GPHN: variants seen among roughly 807,000 people sequenced by gnomAD.
GPHN encodes gephyrin.
GPHN carries 17 observed loss-of-function variants against 95.5 expected under a neutral mutation model. That is an observed-to-expected ratio of 0.18 (90% CI 0.12 to 0.27). GPHN has a LOEUF of 0.27. Among genes scored for constraint, GPHN ranks in the 10% least tolerant of loss-of-function variants. GPHN has a pLI of 1.00. For synonymous variants in GPHN, 320 were observed against 322.5 expected (o/e 0.99, Z 0.08); for missense variants, 660 against 978.1 (o/e 0.67, Z 4.34).
chr14:67,003,360 C>T (rs1180479636), intron 9 of GPHN, among the ~76,000 whole-genome samples: 1 of 151,620 alleles, frequency 6.6e-6, no homozygotes, highest in Non-Finnish European at 1.5e-5. Context: ...CTATTAGTAA[C>T]TGAATTGAGA....
intron 2 of GPHN, among the ~76,000 whole-genome samples, chr14:66,765,595 C>T (rs1414595771): frequency 1.3e-5 from 2 of 152,064 alleles, no homozygotes; most frequent in African/African-American, 2.4e-5. Context: ...GAGCAACAGA[C>T]AGTGGGGCCT....
the GPHN span, among the ~76,000 whole-genome samples, chr14:67,367,456 C>T: frequency 6.9e-6 from 1 of 144,006 alleles, no homozygotes; most frequent in Admixed American, 6.9e-5. Flanking sequence ...GTCTTGATCT[C>T]CTGACCTTGT....
the GPHN span, chr14:67,589,725 G>A: frequency 5.5e-5 from 55 of 1,008,978 alleles, no homozygotes; most frequent in East Asian, 2.9e-3. Context: ...CAAGACATCT[G>A]ATGTCAGTTT....
At chr14:66,999,435 ATAATTTATTGTCATG>A (rs1317501153) in intron 9 of GPHN, among the ~76,000 whole-genome samples, 4 of 152,036 alleles carry the variant, frequency 2.6e-5, no homozygotes, top group African/African-American at 9.6e-5. Flanking sequence ...TTATGGTTAT[ATAATTTATTGTCATG>A]TAATTTATTG....
chr14:67,560,538 C>T, the GPHN span, among the ~76,000 whole-genome samples: 1 of 152,134 alleles, frequency 6.6e-6, no homozygotes, highest in Admixed American at 6.6e-5. Flanking sequence ...TCTCTCTTCC[C>T]CCATCGCCTG....
chr14:67,160,952 T>C (rs1186678060), intron 19 of GPHN, among the ~76,000 whole-genome samples: 1 of 152,248 alleles, frequency 6.6e-6, no homozygotes, highest in Non-Finnish European at 1.5e-5. Context: ...ATGTTGAGCA[T>C]GCCCCAATAT....
At chr14:66,743,789 G>T (rs1236983764) in intron 2 of GPHN, among the ~76,000 whole-genome samples, 3 of 152,026 alleles carry the variant, frequency 2.0e-5, no homozygotes, top group East Asian at 1.9e-4. Flanking sequence ...CTTTAAAACA[G>T]CTAACCAAGT....
At chr14:67,627,130 C>T in the GPHN span, among the ~76,000 whole-genome samples, 45 of 152,032 alleles carry the variant, frequency 3.0e-4, 2 homozygotes, top group Admixed American at 2.4e-3. Context: ...TAGGTAGTGT[C>T]GATGGCTGCA....
intron 5 of GPHN, among the ~76,000 whole-genome samples, chr14:66,902,705 A>T (rs2065179678): frequency 1.3e-5 from 2 of 152,102 alleles, no homozygotes; most frequent in Non-Finnish European, 1.5e-5. Flanking sequence ...CCTTGGGATG[A>T]ATCCCACCTG....
chr14:67,283,458 C>T, the GPHN span, among the ~76,000 whole-genome samples: 2 of 152,178 alleles, frequency 1.3e-5, no homozygotes, highest in Non-Finnish European at 2.9e-5. Context: ...TTCAAGCCAA[C>T]AGACAAAATC....
the GPHN span, chr14:67,201,640 A>G: frequency 4.8e-6 from 2 of 415,606 alleles, no homozygotes; most frequent in Non-Finnish European, 9.6e-6. Flanking sequence ...ACCACTACCC[A>G]TTTAAGTTAA....
chr14:66,863,489 G>A (rs10144915), intron 4 of GPHN, among the ~76,000 whole-genome samples: 47,568 of 151,788 alleles, frequency 0.31, 11,828 homozygotes, highest in African/African-American at 0.67. Flanking sequence ...ATCAGGAACC[G>A]CAAAAGACCC....
chr14:67,668,486 T>C, the GPHN span, among the ~76,000 whole-genome samples: 1 of 152,238 alleles, frequency 6.6e-6, no homozygotes, highest in African/African-American at 2.4e-5. Context: ...GTTGTTTTAA[T>C]AGGTGGAATA....
At chr14:67,354,131 G>A in the GPHN span, among the ~76,000 whole-genome samples, 1 of 152,078 alleles carries the variant, frequency 6.6e-6, no homozygotes, top group Non-Finnish European at 1.5e-5. Flanking sequence ...TATTGTTATA[G>A]CAGCAGAAAA....
chr14:67,328,741 T>C, the GPHN span, among the ~76,000 whole-genome samples: 2 of 152,228 alleles, frequency 1.3e-5, no homozygotes, highest in Non-Finnish European at 2.9e-5. Flanking sequence ...GGGCATCCTT[T>C]CCCCATTTCT....
intron 1 of GPHN, among the ~76,000 whole-genome samples, chr14:66,641,295 A>G (rs146890716): frequency 6.6e-6 from 1 of 152,342 alleles, no homozygotes; most frequent in East Asian, 1.9e-4. Context: ...GGGCAGTAGC[A>G]GCAAGCTGCA....
Position 66,508,154 on chromosome 14 carries a change from T to A in GPHN, c.-374T>A, listed in dbSNP as rs2057858919. ...CTCCAGAGCGTGTGCTATCCTTTCC[T>A]CTCAGTCCTGCCATCTAGCTGCCTT... is the stretch of plus-strand genomic sequence containing the variant. On this transcript the variant is annotated 5_prime_UTR_variant, in exon 1 of 23. Coordinates refer to ENST00000478722, the MANE Select transcript of GPHN (RefSeq NM_020806.5). 1 of 456,510 alleles carries A rather than the reference T, an allele frequency of 2.2e-6. No homozygotes were observed. Among genetic ancestry groups the A allele is most frequent in the Admixed American group, 3.5e-5 (1 of 28,570 alleles). The allele number at this position is 456,510 out of a possible 1,614,324, so 28.3% of individuals were successfully genotyped here. A position where few individuals can be genotyped will look rare whatever the true frequency, so the allele number is the denominator to read the frequency against.
chr14:66,756,487 C>T (rs1333386699), intron 2 of GPHN, among the ~76,000 whole-genome samples: 1 of 152,064 alleles, frequency 6.6e-6, no homozygotes, highest in Non-Finnish European at 1.5e-5. Context: ...CATTTTGTAT[C>T]CACGGTGGTC....
chr14:66,617,484 G>A (rs2153305731), intron 1 of GPHN, among the ~76,000 whole-genome samples: 1 of 152,302 alleles, frequency 6.6e-6, no homozygotes, highest in South Asian at 2.1e-4. Context: ...TGGCTCTCAG[G>A]TGGGCTGCCA....
Sources: gnomAD v4.1 joint callset for allele counts (sites outside exome capture counted in the v4.1 genomes callset) on GRCh38, gnomAD v4.1.1 for gene constraint, MANE v1.5 for transcripts, NCBI Gene and HGNC (gene_info 2026-07-23, HGNC 2026-07-21) for gene names.